The following COL13A1 variants were observed in gnomAD, a reference collection of about 807,000 sequenced individuals.
The protein encoded by COL13A1 is collagen alpha-1(XIII) chain.
In COL13A1, 89 loss-of-function variants were observed where a neutral mutation model predicts 130.9. The observed-to-expected ratio is 0.68, with a 90% confidence interval of 0.57 to 0.81. The LOEUF (loss-of-function observed/expected upper bound fraction) is 0.81, where lower values mean the gene tolerates loss of function less well. Among genes scored for constraint, COL13A1 ranks in the 30% least tolerant of loss-of-function variants. COL13A1 has a pLI of 0.00. For missense variants in COL13A1, 879 were observed against 934.6 expected (o/e 0.94, Z 0.78); for synonymous variants, 402 against 341.6 (o/e 1.18, Z -1.95).
intron 10 of COL13A1, among the ~76,000 whole-genome samples, chr10:69,892,894 G>A (rs2061320152): frequency 6.6e-6 from 1 of 152,162 alleles, no homozygotes; most frequent in Admixed American, 6.5e-5. Context: ...CCACCGTTTG[G>A]GATGTCTGGT....
chr10:69,874,535 G>A (rs536959897), intron 4 of COL13A1, among the ~76,000 whole-genome samples: 3 of 152,338 alleles, frequency 2.0e-5, no homozygotes, highest in Non-Finnish European at 4.4e-5. Context: ...TCTGCAACTC[G>A]TGATTCGGCT....
At chr10:69,926,220 T>C (rs1157260258) in intron 26 of COL13A1, among the ~76,000 whole-genome samples, 1 of 152,220 alleles carries the variant, frequency 6.6e-6, no homozygotes, top group Non-Finnish European at 1.5e-5. Flanking sequence ...TTAATGCATG[T>C]ATAACCCCCT....
intron 2 of COL13A1, among the ~76,000 whole-genome samples, chr10:69,851,097 A>G (rs972241117): frequency 2.0e-5 from 3 of 152,216 alleles, no homozygotes; most frequent in Non-Finnish European, 4.4e-5. Flanking sequence ...GCCTTCACTA[A>G]GGGGAACCAT....
chr10:69,894,121 C>T (rs865870610), intron 10 of COL13A1, among the ~76,000 whole-genome samples: 7 of 152,230 alleles, frequency 4.6e-5, no homozygotes, highest in African/African-American at 4.8e-5. Context: ...TCTGAGGCAC[C>T]GGCCCAGCAC....
chr10:69,811,320 G>T (rs1842994165), intron 1 of COL13A1, among the ~76,000 whole-genome samples: 1 of 152,190 alleles, frequency 6.6e-6, no homozygotes, highest in African/African-American at 2.4e-5. Context: ...GCCATAGAGG[G>T]ACTTTGCACC....
chr10:69,877,412 C>G (rs556466492), intron 5 of COL13A1: 7 of 152,944 alleles, frequency 4.6e-5, no homozygotes, highest in Admixed American at 4.6e-4. Flanking sequence ...CCACCTTGCC[C>G]GGCCAGGTCC....
At chr10:69,894,090 G>C (rs1177629174) in intron 10 of COL13A1, among the ~76,000 whole-genome samples, 2 of 152,198 alleles carry the variant, frequency 1.3e-5, no homozygotes, top group Non-Finnish European at 2.9e-5. Flanking sequence ...TTTGCTGAAG[G>C]TTTCTCTAAG....
chr10:69,953,215 G>A (rs1186497154), intron 39 of COL13A1, among the ~76,000 whole-genome samples: 2 of 152,192 alleles, frequency 1.3e-5, no homozygotes, highest in African/African-American at 4.8e-5. Flanking sequence ...CAGAGCAATC[G>A]ATGTGTGGAA....
At chr10:69,854,563 C>CG in intron 2 of COL13A1, among the ~76,000 whole-genome samples, 1 of 147,280 alleles carries the variant, frequency 6.8e-6, no homozygotes, top group East Asian at 2.0e-4. Flanking sequence ...GACCCTGTCT[C>CG]AAAAAAAAAA....
chr10:69,922,155 G>A (rs111587662), intron 22 of COL13A1, among the ~76,000 whole-genome samples: 171 of 152,192 alleles, frequency 1.1e-3, no homozygotes, highest in Non-Finnish European at 2.0e-3. Context: ...ATTCGGTAGT[G>A]ATGACCTGGT....
At chr10:69,934,424 A>G (rs1383218680) in intron 31 of COL13A1, among the ~76,000 whole-genome samples, 1 of 152,266 alleles carries the variant, frequency 6.6e-6, no homozygotes, top group African/African-American at 2.4e-5. Flanking sequence ...CCACAGGTCC[A>G]GGAAACAATA....
chr10:69,926,767 G>A (rs974324746), intron 26 of COL13A1, among the ~76,000 whole-genome samples: 3 of 152,190 alleles, frequency 2.0e-5, no homozygotes, highest in Admixed American at 6.5e-5. Context: ...AATAAGAGGT[G>A]GTGCTTCCTT....
chr10:69,888,730 G>C (rs947577815), intron 9 of COL13A1, among the ~76,000 whole-genome samples: 26 of 152,118 alleles, frequency 1.7e-4, no homozygotes, highest in African/African-American at 5.6e-4. Context: ...CCCTGTCCTC[G>C]AGGTCAGGGT....
chr10:69,958,014 A>C (rs2136494436), intron 40 of COL13A1, among the ~76,000 whole-genome samples: 1 of 152,276 alleles, frequency 6.6e-6, no homozygotes, highest in South Asian at 2.1e-4. Flanking sequence ...TCACTAGTGC[A>C]CTGGGTTGGG....
At chr10:69,837,220 C>T (rs1850331323) in intron 2 of COL13A1, among the ~76,000 whole-genome samples, 1 of 152,228 alleles carries the variant, frequency 6.6e-6, no homozygotes, top group African/African-American at 2.4e-5. Context: ...GACAATGAGG[C>T]CCCATCAGCA....
chr10:69,846,261 G>T (rs1853026575), intron 2 of COL13A1, among the ~76,000 whole-genome samples: 1 of 152,198 alleles, frequency 6.6e-6, no homozygotes, highest in South Asian at 2.1e-4. Context: ...GATGAAGAAG[G>T]GTCTGGTGGC....
intron 3 of COL13A1, among the ~76,000 whole-genome samples, chr10:69,869,490 G>C (rs965409546): frequency 6.6e-6 from 1 of 152,182 alleles, no homozygotes; most frequent in African/African-American, 2.4e-5. Context: ...ATGCCGTCTG[G>C]GTGTATCCTG....
At chr10:69,822,314 A>G (rs1242592452) in intron 1 of COL13A1, 55 bp from the exon 2 acceptor site, 49 of 1,410,374 alleles carry the variant, frequency 3.5e-5, no homozygotes, top group Non-Finnish European at 4.5e-5. Context: ...GCTGCTTTCC[A>G]GGGCTTGGTG....
chr10:69,910,607 T>C (rs186228634), intron 17 of COL13A1, among the ~76,000 whole-genome samples: 1 of 152,350 alleles, frequency 6.6e-6, no homozygotes, highest in East Asian at 1.9e-4. Flanking sequence ...CAGCAGCCCC[T>C]GTGCTGCCCC....
Sources: gnomAD v4.1 joint callset for allele counts (sites outside exome capture counted in the v4.1 genomes callset) on GRCh38, gnomAD v4.1.1 for gene constraint, MANE v1.5 for transcripts, NCBI Gene and HGNC (gene_info 2026-07-23, HGNC 2026-07-21) for gene names.